PCDH15: variants seen among roughly 807,000 people sequenced by gnomAD.
PCDH15 encodes the protein protocadherin related 15.
In PCDH15, 129 loss-of-function variants were observed where a neutral mutation model predicts 178.5. The ratio of observed to expected loss-of-function variants is 0.72; its 90% confidence interval spans 0.63 to 0.84. PCDH15 has a LOEUF of 0.84. Ranked by LOEUF, PCDH15 falls within the 40% of genes least tolerant of loss-of-function variation. The probability of loss-of-function intolerance (pLI) is 0.00; values close to 1 mark genes in which losing one functional copy is unlikely to be tolerated. For synonymous variants in PCDH15, 800 were observed against 732.0 expected (o/e 1.09, Z -1.50); for missense variants, 2,230 against 2,099.9 (o/e 1.06, Z -1.21).
At chr10:54,564,252 G>T (rs2088666667) in intron 2 of PCDH15, among the ~76,000 whole-genome samples, 3 of 152,100 alleles carry the variant, frequency 2.0e-5, no homozygotes, top group Admixed American at 2.0e-4. Flanking sequence ...ATATCAGAAT[G>T]AATTACATAT....
At chr10:55,158,144 A>C (rs1361078728) in intron 2 of PCDH15, among the ~76,000 whole-genome samples, 2 of 150,636 alleles carry the variant, frequency 1.3e-5, no homozygotes, top group East Asian at 3.9e-4. Flanking sequence ...GAAGTGAAGA[A>C]ATTCATGTTT....
At position 54,378,905 on chromosome 10, in the gene PCDH15, A is replaced by T. The variant is rs770371293; in HGVS notation, c.195T>A (p.Thr65=). 1 of 1,613,748 alleles carries T rather than the reference A, an allele frequency of 6.2e-7. No individual in the cohort carries two copies. Among genetic ancestry groups the T allele is most frequent in the African/African-American group, 1.3e-5 (1 of 74,896 alleles). ...ILVDNMLIKG[T]AGGPDPTIEL... is the part of the protein sequence containing the mutation. ...CTATGGTGGGGTCTGGTCCTCCAGC[A>T]GTCCCTTTGATCAGCATGTTGTCCA... Residue 65 remains threonine (T), a synonymous_variant, in exon 4 of 38, where the codon ACT becomes ACA. Transcript: ENST00000644397.
In PCDH15 at chr10:55,199,781, C is replaced by T. The variant is rs575548682; in HGVS notation, c.-155-33130G>A. ...GCATCCCAGCTGCTCTAGCTCCAGCCGTGGCTGAAAGGTCCCAAGGTACAG... is the reference window on the plus strand; with the variant it reads ...GCATCCCAGCTGCTCTAGCTCCAGCTGTGGCTGAAAGGTCCCAAGGTACAG... On this transcript the variant is annotated intron_variant, in intron 1 of 5. Transcript: ENST00000458638. 1.7e-4 allele frequency among the ~76,000 whole-genome samples: 26 copies of T among 152,222 alleles called. No individual in the cohort carries two copies. The East Asian group carries it at 1.9e-3, about 11-fold the overall frequency.
intron 2 of PCDH15, among the ~76,000 whole-genome samples, chr10:54,974,040 TTCTC>T (rs72538027): frequency 1.9e-4 from 27 of 144,362 alleles, no homozygotes; most frequent in Admixed American, 2.8e-4. Flanking sequence ...CTCTCCTTCC[TTCTC>T]TCTCTCTCTC....
intron 13 of PCDH15, among the ~76,000 whole-genome samples, chr10:54,162,800 A>G (rs2045844162): frequency 6.6e-6 from 1 of 152,160 alleles, no homozygotes; most frequent in Non-Finnish European, 1.5e-5. Flanking sequence ...GCCTTGAGTT[A>G]AATTCTAACT....
chr10:54,090,706 AT>A (rs150184159), intron 15 of PCDH15, among the ~76,000 whole-genome samples: 2,741 of 151,728 alleles, frequency 0.018, 74 homozygotes, highest in African/African-American at 0.054. Flanking sequence ...TTTAATGTAT[AT>A]TCTTTTCTTT....
chr10:54,278,346 T>C (rs1266129008), intron 8 of PCDH15, among the ~76,000 whole-genome samples: 1 of 151,616 alleles, frequency 6.6e-6, no homozygotes. Context: ...CCATAGTCCT[T>C]AGTTATGTAA....
At chr10:53,917,592 A>G (rs1034731628) in intron 25 of PCDH15, among the ~76,000 whole-genome samples, 1 of 152,204 alleles carries the variant, frequency 6.6e-6, no homozygotes, top group Non-Finnish European at 1.5e-5. Context: ...TCATATATGC[A>G]CCTAAACACA....
At chr10:54,390,562 T>C (rs1950434924) in intron 3 of PCDH15, among the ~76,000 whole-genome samples, 1 of 152,222 alleles carries the variant, frequency 6.6e-6, no homozygotes, top group South Asian at 2.1e-4. Context: ...CCCAAAGTGC[T>C]GGGATTACAG....
intron 31 of PCDH15, among the ~76,000 whole-genome samples, chr10:53,828,297 C>T (rs1320765448): frequency 6.7e-6 from 1 of 149,796 alleles, no homozygotes; most frequent in African/African-American, 2.5e-5. Flanking sequence ...TTTTGGATTT[C>T]CTGGACACTG....
Position 54,776,837 on chromosome 10 carries a change from A to G in PCDH15, c.-29+24088T>C, listed in dbSNP as rs145139187. ...TCACCACACGGCATAGAGAGGACCAAGAAGCTGTCCCAGTATCATAACAGA... is the reference window on the plus strand; with the variant it reads ...TCACCACACGGCATAGAGAGGACCAGGAAGCTGTCCCAGTATCATAACAGA... On this transcript the variant is annotated intron_variant, in intron 1 of 37. Transcript: ENST00000644397. 2.2e-3 allele frequency among the ~76,000 whole-genome samples: 336 copies of G among 152,298 alleles called. 2 individuals are homozygous for G. The highest frequency in any genetic ancestry group is 6.5e-3 in the African/African-American group (270 of 41,552).
At chr10:54,001,443 TATAG>T (rs1199864195) in intron 20 of PCDH15, among the ~76,000 whole-genome samples, 5 of 151,822 alleles carry the variant, frequency 3.3e-5, no homozygotes, top group Admixed American at 2.0e-4. Flanking sequence ...GGAGATGAAG[TATAG>T]AGTTTTTATT....
At chr10:53,812,219 T>G (rs1438078588) in intron 35 of PCDH15, among the ~76,000 whole-genome samples, 1 of 152,308 alleles carries the variant, frequency 6.6e-6, no homozygotes, top group South Asian at 2.1e-4. Flanking sequence ...GTCTGTTTTG[T>G]TTTTTTGAGA....
intron 2 of PCDH15, among the ~76,000 whole-genome samples, chr10:54,540,313 T>C (rs1221339737): frequency 6.6e-6 from 1 of 151,754 alleles, no homozygotes; most frequent in East Asian, 1.9e-4. Context: ...ACAACATAAA[T>C]GACAAAGATG....
At chr10:54,392,468 C>A (rs867525207) in intron 3 of PCDH15, among the ~76,000 whole-genome samples, 324 of 66,118 alleles carry the variant, frequency 4.9e-3, no homozygotes, top group Middle Eastern at 0.021. Context: ...GAGGCTGTCT[C>A]AAAAAAAAAA....
intron 7 of PCDH15, among the ~76,000 whole-genome samples, chr10:54,320,214 C>T (rs1296574930): frequency 3.3e-5 from 5 of 151,932 alleles, no homozygotes; most frequent in African/African-American, 1.2e-4. Flanking sequence ...ATTCCCTCTG[C>T]CAAGAAAGTT....
chr10:54,168,728 C>T (rs954938621), intron 13 of PCDH15, among the ~76,000 whole-genome samples: 48 of 152,200 alleles, frequency 3.2e-4, no homozygotes, highest in African/African-American at 1.1e-3. Flanking sequence ...AACCCTGAGA[C>T]ACTTTACAGC....
At chr10:54,772,084 T>A (rs1157554220) in intron 1 of PCDH15, among the ~76,000 whole-genome samples, 1 of 152,182 alleles carries the variant, frequency 6.6e-6, no homozygotes, top group Admixed American at 6.5e-5. Flanking sequence ...ATTTTTCCTC[T>A]TGTCTGTTTT....
chr10:54,542,969 C>T (rs530810892), intron 2 of PCDH15, among the ~76,000 whole-genome samples: 3 of 152,166 alleles, frequency 2.0e-5, no homozygotes, highest in Non-Finnish European at 4.4e-5. Flanking sequence ...AAGACATAAG[C>T]GGCTCCTAGA....
Sources: gnomAD v4.1 joint callset for allele counts (sites outside exome capture counted in the v4.1 genomes callset) on GRCh38, gnomAD v4.1.1 for gene constraint, MANE v1.5 for transcripts, NCBI Gene and HGNC (gene_info 2026-07-23, HGNC 2026-07-21) for gene names.